ST7L: variants seen among roughly 807,000 people sequenced by gnomAD.
ST7L encodes suppression of tumorigenicity 7 like, also known as suppressor of tumorigenicity 7 protein-like.
Under a neutral mutation model 72.5 loss-of-function variants are expected in ST7L, and 57 were observed. The ratio of observed to expected loss-of-function variants is 0.79; its 90% CI spans 0.64 to 0.98. ST7L has a LOEUF of 0.98. Ranked by LOEUF, ST7L falls within the 50% of genes least tolerant of loss-of-function variation. ST7L has a pLI of 0.00. For missense variants in ST7L, 576 were observed against 672.2 expected (o/e 0.86, Z 1.58); for synonymous variants, 221 against 240.9 (o/e 0.92, Z 0.77).
At chr1:112,599,547 A>T (rs898081391) in intron 4 of ST7L, among the ~76,000 whole-genome samples, 9 of 152,230 alleles carry the variant, frequency 5.9e-5, no homozygotes, top group African/African-American at 2.2e-4. Flanking sequence ...TTTCTCATTT[A>T]GAGTTAAAAA....
chr1:112,539,498 A>C (rs1655737888), intron 14 of ST7L, among the ~76,000 whole-genome samples: 1 of 152,162 alleles, frequency 6.6e-6, no homozygotes, highest in African/African-American at 2.4e-5. Context: ...TCTACTAAAA[A>C]TACAAAAGTT....
At chr1:112,564,046 T>G (rs1660572622) in intron 11 of ST7L, among the ~76,000 whole-genome samples, 1 of 152,184 alleles carries the variant, frequency 6.6e-6, no homozygotes, top group South Asian at 2.1e-4. Context: ...TCAGTGCACA[T>G]TCTATGAGAT....
At chr1:112,589,151 G>T (rs1458965127) in intron 6 of ST7L, among the ~76,000 whole-genome samples, 1 of 151,784 alleles carries the variant, frequency 6.6e-6, no homozygotes, top group African/African-American at 2.4e-5. Context: ...CATTATCATG[G>T]GTTCCTTTAC....
At chr1:112,529,175 T>G (rs889583409) in intron 14 of ST7L, 8 of 152,174 alleles carry the variant, frequency 5.3e-5, no homozygotes, top group African/African-American at 1.7e-4. Context: ...TGTTTGTGTG[T>G]TTGTGTGTGT....
chr1:112,533,774 G>A (rs537780993), intron 14 of ST7L, among the ~76,000 whole-genome samples: 5 of 152,150 alleles, frequency 3.3e-5, no homozygotes, highest in African/African-American at 7.2e-5. Context: ...TCCTGTCTCC[G>A]CCTTCTAAGT....
chr1:112,532,951 G>A (rs1208420491), intron 14 of ST7L, among the ~76,000 whole-genome samples: 1 of 152,058 alleles, frequency 6.6e-6, no homozygotes, highest in East Asian at 1.9e-4. Context: ...AAAAGTTATA[G>A]GTTATGATAT....
At chr1:112,573,826 G>A (rs1234478563) in intron 11 of ST7L, among the ~76,000 whole-genome samples, 14 of 151,614 alleles carry the variant, frequency 9.2e-5, no homozygotes, top group African/African-American at 3.4e-4. Context: ...CCCAGGAGGT[G>A]GAGGTTGCAG....
Position 112,565,211 on chromosome 1 carries a change from ATTTTTTTTT to A in ST7L, c.1246-9202_1246-9194del, listed in dbSNP as rs777969643. Among the ~76,000 whole-genome samples, 313 of 57,962 alleles carry A rather than the reference ATTTTTTTTT, an allele frequency of 5.4e-3. 1 individual carries two copies. The highest frequency in any genetic ancestry group is 0.024 in the African/African-American group (285 of 11,656). The allele number at this position is 57,962 out of a possible 152,430, so 38.0% of individuals were successfully genotyped here. A position where few individuals can be genotyped will look rare whatever the true frequency, so the allele number is the denominator to read the frequency against. ...AGGCGCCCACCACCATGTTCGGCTA[ATTTTTTTTT>A]TTTTTTTTTTTTTTTTTTTTTGTAT... On this transcript the variant is annotated intron_variant, in intron 11 of 14. Coordinates refer to ENST00000358039, the MANE Select transcript of ST7L (RefSeq NM_017744.5).
chr1:112,566,285 T>TTTC (rs1397313036), intron 11 of ST7L, among the ~76,000 whole-genome samples: 1 of 131,564 alleles, frequency 7.6e-6, no homozygotes, highest in Non-Finnish European at 1.5e-5. Flanking sequence ...TTTATTTCTT[T>TTTC]TTCTTCTTCT....
rs1668937826 is a variant in ST7L at position 112,610,671 on chromosome 1, C to G, written c.451+170G>C. 1.4e-5 allele frequency: 11 copies of G among 768,410 alleles called. No homozygotes were observed. The East Asian group carries it at 3.0e-4, about 21-fold the overall frequency. The allele number at this position is 768,410 out of a possible 1,614,324, so 47.6% of individuals were successfully genotyped here. On this transcript the variant is annotated intron_variant, in intron 3 of 14. Transcript: ENST00000358039. ...TCCCTGAGGGCACTGCCCTCATGAC[C>G]TGATCACCTCCCAAAGACCCTACCT...
intron 2 of ST7L, among the ~76,000 whole-genome samples, chr1:112,615,430 G>A (rs914506888): frequency 1.3e-5 from 2 of 152,166 alleles, no homozygotes; most frequent in African/African-American, 4.8e-5. Context: ...TTAACTGCCA[G>A]TTAACAGATG....
At chr1:112,617,073 G>A in intron 1 of ST7L, 178 bp from the exon 2 acceptor site, 1 of 383,348 alleles carries the variant, frequency 2.6e-6, no homozygotes, top group Non-Finnish European at 4.7e-6. Flanking sequence ...ATCACTATTT[G>A]CAACAAATCA....
chr1:112,574,169 G>T (rs1348834122), intron 11 of ST7L, among the ~76,000 whole-genome samples: 1 of 147,968 alleles, frequency 6.8e-6, no homozygotes, highest in African/African-American at 2.5e-5. Flanking sequence ...CACCCACCTC[G>T]GCCTCCCAAA....
At chr1:112,599,278 G>A (rs1667046758) in intron 4 of ST7L, among the ~76,000 whole-genome samples, 1 of 151,344 alleles carries the variant, frequency 6.6e-6, no homozygotes, top group South Asian at 2.1e-4. Context: ...CCTTAACACA[G>A]GCTAATGGCA....
At chr1:112,606,997 C>T (rs900796995) in intron 3 of ST7L, 3 of 152,264 alleles carry the variant, frequency 2.0e-5, no homozygotes, top group South Asian at 2.1e-4. Flanking sequence ...CATGTTAACA[C>T]GTAATGGATT....
rs116378019 is a variant in ST7L, at chr1:112,541,957, A to C, written c.1623T>G (p.Ala541=). 1.2e-6 allele frequency: 2 copies of C among 1,613,660 alleles called. No homozygotes were observed. The highest frequency in any genetic ancestry group is 4.5e-5 in the East Asian group (2 of 44,834). The change falls in exon 14 of 15, where the codon GCT becomes GCG. Residue 541 remains alanine (A), a synonymous_variant. Transcript: ENST00000358039. Reference sequence around the variant, plus strand: ...TCCTTGAGATCATACTTACAGCTTTAGCAAAAATACCCATGATTTCAGGAA... The same window carrying C: ...TCCTTGAGATCATACTTACAGCTTTCGCAAAAATACCCATGATTTCAGGAA... ...HQFPEIMGIF[A]KAVLGLWCPQ...
chr1:112,550,611 C>T lies in ST7L; in HGVS notation c.1479G>A (p.Glu493=). The change falls in exon 13 of 15, where the codon GAG becomes GAA. Residue 493 remains glutamate, a synonymous_variant. Coordinates refer to ENST00000358039, the MANE Select transcript of ST7L (RefSeq NM_017744.5). ...AAAATATTTACTTACTAGGTAATAG[C>T]TCTCTATCAGCCGTCTCTGTGCAGC... ...YPSCTETADR[E]LLPTFHHVSV... The T allele has an allele frequency of 6.2e-7, 1 of 1,611,918 alleles. No individual in the cohort carries two copies. Among genetic ancestry groups the T allele is most frequent in the Non-Finnish European group, 8.5e-7 (1 of 1,178,404 alleles).
intron 14 of ST7L, 53 bp from the exon 15 acceptor site, chr1:112,526,164 C>T: frequency 6.2e-7 from 1 of 1,610,632 alleles, no homozygotes; most frequent in East Asian, 2.2e-5. Context: ...AGTCCCAGGA[C>T]AGCCAAGAGA....
chr1:112,541,286 A>G (rs914562787), intron 14 of ST7L, among the ~76,000 whole-genome samples: 10 of 152,030 alleles, frequency 6.6e-5, no homozygotes, highest in African/African-American at 2.4e-4. Flanking sequence ...TGTCTCAGAA[A>G]AAAAAAAAAA....
Sources: gnomAD v4.1 joint callset for allele counts (sites outside exome capture counted in the v4.1 genomes callset) on GRCh38, gnomAD v4.1.1 for gene constraint, MANE v1.5 for transcripts, NCBI Gene and HGNC (gene_info 2026-07-23, HGNC 2026-07-21) for gene names.